NRG1: variants seen among roughly 807,000 people sequenced by gnomAD.
NRG1 encodes pro-neuregulin-1, membrane-bound isoform.
A neutral mutation model predicts 63.8 loss-of-function variants in NRG1; 18 were observed. The observed-to-expected ratio is 0.28, with a 90% confidence interval of 0.19 to 0.42. The LOEUF (loss-of-function observed/expected upper bound fraction) is 0.42. Among genes scored for constraint, NRG1 ranks in the 10% least tolerant of loss-of-function variants. The pLI is 1.00. For missense variants in NRG1, 762 were observed against 814.7 expected (o/e 0.94, Z 0.79); for synonymous variants, 302 against 301.3 (o/e 1.00, Z -0.02).
chr8:32,372,753 C>A (rs1809081125), intron 1 of NRG1, among the ~76,000 whole-genome samples: 1 of 152,180 alleles, frequency 6.6e-6, no homozygotes, highest in Non-Finnish European at 1.5e-5. Flanking sequence ...ACACACTCTG[C>A]CTCCAGACAG....
chr8:31,699,704 CT>C (rs34131043), intron 1 of NRG1, among the ~76,000 whole-genome samples: 1 of 147,696 alleles, frequency 6.8e-6, no homozygotes, highest in African/African-American at 2.5e-5. Context: ...TTTTTCCTTC[CT>C]TTTTTTAAAA....
chr8:32,460,606 C>T (rs1182821259), intron 1 of NRG1, among the ~76,000 whole-genome samples: 1 of 152,162 alleles, frequency 6.6e-6, no homozygotes, highest in Non-Finnish European at 1.5e-5. Context: ...CATTTATAAA[C>T]TCAGTCAGCA....
chr8:31,901,889 C>A (rs1832113844), intron 1 of NRG1, among the ~76,000 whole-genome samples: 1 of 152,136 alleles, frequency 6.6e-6, no homozygotes, highest in Non-Finnish European at 1.5e-5. Flanking sequence ...ATGTATCTAT[C>A]ACTGACAATT....
chr8:31,955,277 T>G (rs962037582), intron 1 of NRG1, among the ~76,000 whole-genome samples: 2 of 152,194 alleles, frequency 1.3e-5, no homozygotes, highest in African/African-American at 4.8e-5. Flanking sequence ...TGAAAATTAG[T>G]GAATGAAATA....
chr8:32,314,026 T>C (rs960312491), intron 1 of NRG1, among the ~76,000 whole-genome samples: 1 of 152,170 alleles, frequency 6.6e-6, no homozygotes, highest in Non-Finnish European at 1.5e-5. Context: ...AATCAGCTTT[T>C]TTTCTTGCAA....
At chr8:31,922,658 C>T (rs1163961365) in intron 1 of NRG1, among the ~76,000 whole-genome samples, 1 of 152,096 alleles carries the variant, frequency 6.6e-6, no homozygotes, top group Non-Finnish European at 1.5e-5. Context: ...TGCTTTTAGG[C>T]AGGTAGTTAA....
At chr8:32,686,222 A>G (rs889410112) in intron 5 of NRG1, among the ~76,000 whole-genome samples, 7 of 152,218 alleles carry the variant, frequency 4.6e-5, no homozygotes, top group African/African-American at 7.2e-5. Context: ...GACAAAATAT[A>G]TGGCAAAAAG....
rs148499330 is a variant in NRG1, at chr8:32,065,027, C to T, written c.37+425596C>T. On this transcript the variant is annotated intron_variant, in intron 1 of 10. Coordinates refer to the NRG1 transcript ENST00000519301. ...GTCTTGTTTTCTGTTATTCTGTGGA[C>T]TTGCTTTATTAATATATGGAATTTA... 5.0e-4 allele frequency among the ~76,000 whole-genome samples: 76 copies of T among 151,640 alleles called. No individual in the cohort carries two copies. In the East Asian group the frequency reaches 0.012, roughly 24 times the overall value.
At chr8:31,837,718 G>C (rs544395124) in intron 1 of NRG1, among the ~76,000 whole-genome samples, 3 of 152,166 alleles carry the variant, frequency 2.0e-5, no homozygotes, top group Admixed American at 6.5e-5. Flanking sequence ...TTCTACATGA[G>C]TGAGATCATG....
intron 1 of NRG1, among the ~76,000 whole-genome samples, chr8:32,319,257 A>G (rs1801105587): frequency 1.3e-5 from 2 of 152,206 alleles, no homozygotes; most frequent in Admixed American, 6.5e-5. Context: ...AACAGGACCC[A>G]TCACAGCTAG....
chr8:31,927,371 A>G (rs1242976034), intron 1 of NRG1, among the ~76,000 whole-genome samples: 2 of 151,916 alleles, frequency 1.3e-5, no homozygotes, highest in Non-Finnish European at 2.9e-5. Context: ...GGGCCCAGAA[A>G]TCTGAATTTT....
intron 1 of NRG1, among the ~76,000 whole-genome samples, chr8:31,709,525 C>T (rs1044577563): frequency 6.6e-6 from 1 of 151,974 alleles, no homozygotes; most frequent in Non-Finnish European, 1.5e-5. Context: ...TTTTAAAATG[C>T]TGGAATTCAC....
At chr8:32,413,307 T>C (rs551359897) in intron 1 of NRG1, among the ~76,000 whole-genome samples, 21 of 152,332 alleles carry the variant, frequency 1.4e-4, no homozygotes, top group African/African-American at 4.6e-4. Flanking sequence ...TCAAGGACTA[T>C]TTATTTACTT....
At chr8:32,226,544 G>T (rs1018638468) in intron 1 of NRG1, among the ~76,000 whole-genome samples, 1 of 151,984 alleles carries the variant, frequency 6.6e-6, no homozygotes, top group Admixed American at 6.6e-5. Flanking sequence ...AAAAAATTCT[G>T]GTTCCAGTCC....
chr8:32,298,259 A>G (rs1019316091), intron 1 of NRG1, among the ~76,000 whole-genome samples: 8 of 152,228 alleles, frequency 5.3e-5, no homozygotes, highest in Admixed American at 3.9e-4. Flanking sequence ...TGGAAAATCT[A>G]TTAAGCAAAT....
chr8:32,447,108 C>T (rs995550565), intron 1 of NRG1, among the ~76,000 whole-genome samples: 10 of 151,866 alleles, frequency 6.6e-5, no homozygotes, highest in Middle Eastern at 3.4e-3. Flanking sequence ...CCACTTGAAC[C>T]TCCAGGTTCA....
intron 1 of NRG1, among the ~76,000 whole-genome samples, chr8:32,345,565 C>G (rs1458364626): frequency 2.0e-5 from 3 of 152,148 alleles, no homozygotes; most frequent in Non-Finnish European, 4.4e-5. Flanking sequence ...AGTGCTTTCT[C>G]AAGTAAGTAC....
intron 1 of NRG1, among the ~76,000 whole-genome samples, chr8:32,458,412 T>C (rs1248029415): frequency 1.3e-5 from 2 of 152,204 alleles, no homozygotes; most frequent in Non-Finnish European, 1.5e-5. Context: ...AGCTTTTCAT[T>C]CTCAAAGCAT....
At chr8:32,722,089 T>C in intron 5 of NRG1, 2 of 1,396,048 alleles carry the variant, frequency 1.4e-6, no homozygotes, top group South Asian at 1.3e-5. Flanking sequence ...AGCAGTTTAA[T>C]ATTCAAACAT....
Sources: allele counts gnomAD v4.1 joint callset (sites outside exome capture counted in the v4.1 genomes callset), GRCh38; gene constraint gnomAD v4.1.1; transcripts MANE v1.5; gene names NCBI Gene and HGNC (gene_info 2026-07-23, HGNC 2026-07-21).